LOC114841035: variants seen among roughly 807,000 people sequenced by gnomAD.
At chr11:64,244,071 C>G in the LOC114841035 span, 1 of 1,572,656 alleles carries the variant, frequency 6.4e-7, no homozygotes, top group South Asian at 1.2e-5. Context: ...CCATCAGGGA[C>G]CAGACTGTTC....
At chr11:64,242,224 C>T in the LOC114841035 span, 2 of 651,788 alleles carry the variant, frequency 3.1e-6, no homozygotes, top group Non-Finnish European at 4.7e-6. Context: ...GTAAGTGTGG[C>T]CCCGGAGCCC....
chr11:64,243,065 C>T, the LOC114841035 span: 1 of 745,108 alleles, frequency 1.3e-6, no homozygotes, highest in Non-Finnish European at 2.3e-6. Flanking sequence ...GAGACTCCAT[C>T]TCAAAAAACA....
chr11:64,243,430 T>C, the LOC114841035 span: 1 of 1,613,954 alleles, frequency 6.2e-7, no homozygotes, highest in Admixed American at 1.7e-5. Context: ...TGCCATGGGC[T>C]GAGCATGTGT....
chr11:64,242,911 A>G, the LOC114841035 span, among the ~76,000 whole-genome samples: 1 of 152,194 alleles, frequency 6.6e-6, no homozygotes, highest in Non-Finnish European at 1.5e-5. Context: ...TTTCTCTGCT[A>G]AAAATACAAA....
chr11:64,242,755 G>A, the LOC114841035 span, among the ~76,000 whole-genome samples: 8 of 152,220 alleles, frequency 5.3e-5, no homozygotes, highest in South Asian at 1.7e-3. Context: ...AGTGTACTGT[G>A]AGCTGCCCAA....
chr11:64,242,529 A>C, the LOC114841035 span: 1 of 1,553,206 alleles, frequency 6.4e-7, no homozygotes, highest in Non-Finnish European at 8.7e-7. Flanking sequence ...CAAATCGCGC[A>C]AAGGGGATGT....
the LOC114841035 span, chr11:64,244,011 G>A: frequency 1.2e-6 from 2 of 1,613,960 alleles, no homozygotes; most frequent in East Asian, 2.2e-5. Context: ...TCAAAATAGA[G>A]CGACGAACTG....
chr11:64,243,493 G>A, the LOC114841035 span: 5 of 1,613,680 alleles, frequency 3.1e-6, no homozygotes, highest in Admixed American at 3.3e-5. Context: ...TCCCATCCGA[G>A]CTAGGTAAGA....
chr11:64,243,628 TG>T, the LOC114841035 span: 5 of 1,305,084 alleles, frequency 3.8e-6, no homozygotes, highest in Admixed American at 9.1e-5. Context: ...CAAGTTTGGC[TG>T]TGTCTAGCAG....
chr11:64,243,749 C>T, the LOC114841035 span: 1 of 1,550,382 alleles, frequency 6.5e-7, no homozygotes, highest in Non-Finnish European at 8.9e-7. Context: ...CATTTCTGGC[C>T]TTCTTGCTGA....
the LOC114841035 span, chr11:64,241,651 G>T: frequency 6.6e-6 from 1 of 152,482 alleles, no homozygotes; most frequent in African/African-American, 2.4e-5. Flanking sequence ...CAAGTGAGGA[G>T]CCTGGCCCGA....
the LOC114841035 span, chr11:64,242,356 G>A: frequency 1.4e-6 from 2 of 1,472,940 alleles, no homozygotes; most frequent in East Asian, 5.4e-5. Context: ...CCCACGTTCA[G>A]TCGGTCGGTC....
the LOC114841035 span, chr11:64,242,109 G>T: frequency 2.6e-6 from 1 of 377,592 alleles, no homozygotes; most frequent in Non-Finnish European, 4.8e-6. Flanking sequence ...AGGGAGGGAA[G>T]GTATGGGGGT....
chr11:64,243,407 G>A, the LOC114841035 span: 3 of 1,612,584 alleles, frequency 1.9e-6, no homozygotes, highest in Non-Finnish European at 2.5e-6. Flanking sequence ...TACAAGACAA[G>A]GGCCCTGGGT....
At chr11:64,243,241 C>T in the LOC114841035 span, 1 of 1,613,560 alleles carries the variant, frequency 6.2e-7, no homozygotes, top group South Asian at 1.1e-5. Context: ...CAGCCTGCCC[C>T]AGAACCAGCC....
chr11:64,243,336 G>A, the LOC114841035 span: 11 of 1,599,404 alleles, frequency 6.9e-6, no homozygotes, highest in Middle Eastern at 1.7e-4. Flanking sequence ...AATGGGCTTG[G>A]GAGTGGGGGC....
chr11:64,243,627 C>A, the LOC114841035 span: 2 of 1,298,026 alleles, frequency 1.5e-6, no homozygotes, highest in East Asian at 2.3e-5. Flanking sequence ...CCAAGTTTGG[C>A]TGTGTCTAGC....
At chr11:64,243,986 T>TC in the LOC114841035 span, 20 of 1,613,916 alleles carry the variant, frequency 1.2e-5, no homozygotes, top group Non-Finnish European at 1.3e-5. Flanking sequence ...ACCCTGGTGT[T>TC]CGAGGTGGAG....
chr11:64,241,479 C>T, the LOC114841035 span, among the ~76,000 whole-genome samples: 1 of 135,040 alleles, frequency 7.4e-6, no homozygotes, highest in Admixed American at 7.8e-5. Context: ...GGCGGAGCCT[C>T]GGGGTCGGAA....
Sources: allele counts gnomAD v4.1 joint callset (sites outside exome capture counted in the v4.1 genomes callset), GRCh38; gene constraint gnomAD v4.1.1; transcripts MANE v1.5.